UHRF2: variants seen among roughly 807,000 people sequenced by gnomAD.
The protein encoded by UHRF2 is E3 ubiquitin-protein ligase UHRF2.
A neutral mutation model predicts 96.8 loss-of-function variants in UHRF2; 23 were observed. The ratio of observed to expected loss-of-function variants is 0.24; its 90% CI spans 0.17 to 0.34. The LOEUF (loss-of-function observed/expected upper bound fraction) is 0.34. Ranked by LOEUF, UHRF2 falls within the 10% of genes least tolerant of loss-of-function variation. UHRF2 has a pLI of 1.00. For missense variants in UHRF2, 685 were observed against 981.5 expected (o/e 0.70, Z 4.04); for synonymous variants, 385 against 332.6 (o/e 1.16, Z -1.72).
intron 1 of UHRF2, among the ~76,000 whole-genome samples, chr9:6,419,907 G>A (rs561939392): frequency 2.0e-5 from 3 of 151,846 alleles, no homozygotes; most frequent in Non-Finnish European, 4.4e-5. Context: ...ACCCGGCTAC[G>A]TTTTTTTATT....
At chr9:6,499,764 C>G in intron 12 of UHRF2, 71 bp from the exon 13 acceptor site, 1 of 990,812 alleles carries the variant, frequency 1.0e-6, no homozygotes, top group Non-Finnish European at 1.5e-6. Flanking sequence ...TAATTTCTCA[C>G]CAGGATCTAA....
chr9:6,418,189 T>A (rs1008976271), intron 1 of UHRF2, among the ~76,000 whole-genome samples: 1 of 152,008 alleles, frequency 6.6e-6, no homozygotes. Context: ...ATGGTGTGAA[T>A]GCAGTGTTTG....
intron 2 of UHRF2, among the ~76,000 whole-genome samples, chr9:6,428,609 G>A (rs868179479): frequency 3.4e-5 from 4 of 117,028 alleles, no homozygotes; most frequent in South Asian, 2.9e-4. Context: ...GAGTGCAGTG[G>A]CATGATCATA....
At chr9:6,448,739 T>C (rs1280662954) in intron 3 of UHRF2, among the ~76,000 whole-genome samples, 2 of 152,230 alleles carry the variant, frequency 1.3e-5, no homozygotes, top group Non-Finnish European at 2.9e-5. Context: ...ATGGAAAGTT[T>C]TCGCCTCTTG....
rs1193165774 is a variant in UHRF2 at position 6,413,332 on chromosome 9, G to T, written c.-159G>T. ...TCGGGCGCGCGCGCTGAGAGTCGTC[G>T]CCGCCTGTCGGGCCCGGCGTCCGGT... On this transcript the variant is annotated 5_prime_UTR_variant, in exon 1 of 16. Transcript: ENST00000276893. 3.1e-6 allele frequency: 2 copies of T among 636,566 alleles called. No homozygotes were observed. Among genetic ancestry groups the T allele is most frequent in the Non-Finnish European group, 4.2e-6 (2 of 477,472 alleles). The allele number at this position is 636,566 out of a possible 1,614,324, so 39.4% of individuals were successfully genotyped here.
intron 8 of UHRF2, 109 bp downstream of exon 8, chr9:6,482,208 A>G (rs567084576): frequency 1.1e-6 from 1 of 900,062 alleles, no homozygotes; most frequent in East Asian, 2.4e-5. Flanking sequence ...TTCACTTGTT[A>G]GAATGAAATA....
chr9:6,452,874 T>C (rs1821956178), intron 3 of UHRF2, among the ~76,000 whole-genome samples: 1 of 152,210 alleles, frequency 6.6e-6, no homozygotes, highest in Non-Finnish European at 1.5e-5. Context: ...GAGTTGTCAC[T>C]GTATATTTTA....
rs145697253 is a variant in UHRF2, at chr9:6,468,498, A to C, written c.864-6893A>C. On this transcript the variant is annotated intron_variant, in intron 4 of 15. Coordinates refer to ENST00000276893, the MANE Select transcript of UHRF2 (RefSeq NM_152896.3). ...TGGAGAGGTAAGAATCTCATAAGGC[A>C]GGTAGCTTTGTAGTTGTGTTTTGCC... The C allele has an allele frequency of 2.2e-5, 10 of 456,104 alleles. No homozygotes were observed. The East Asian group carries it at 6.9e-4, about 32-fold the overall frequency. 28.3% of individuals were successfully genotyped at this position (456,104 alleles called of 1,614,324 possible).
intron 2 of UHRF2, among the ~76,000 whole-genome samples, chr9:6,425,940 A>G (rs1450905347): frequency 6.6e-6 from 1 of 152,180 alleles, no homozygotes; most frequent in Non-Finnish European, 1.5e-5. Flanking sequence ...TTAAGTTTAC[A>G]TTATTACTTT....
chr9:6,436,103 G>A (rs1298292156), intron 3 of UHRF2, among the ~76,000 whole-genome samples: 2 of 152,246 alleles, frequency 1.3e-5, no homozygotes, highest in East Asian at 3.9e-4. Flanking sequence ...AATATGTATG[G>A]AAAATATTAT....
chr9:6,437,028 A>G (rs1342947699), intron 3 of UHRF2, among the ~76,000 whole-genome samples: 2 of 152,340 alleles, frequency 1.3e-5, no homozygotes, highest in East Asian at 3.9e-4. Flanking sequence ...AAGCTCCTGG[A>G]TAAAAGAATC....
intron 2 of UHRF2, among the ~76,000 whole-genome samples, chr9:6,426,627 G>A (rs186104611): frequency 4.6e-5 from 7 of 152,216 alleles, no homozygotes; most frequent in Admixed American, 2.6e-4. Context: ...ATAAATAGGT[G>A]GATATCTAGC....
chr9:6,421,608 G>T (rs185002661), intron 2 of UHRF2, among the ~76,000 whole-genome samples: 2 of 152,192 alleles, frequency 1.3e-5, no homozygotes, highest in African/African-American at 4.8e-5. Context: ...GTAGAAACAG[G>T]GTTTCACCAT....
At chr9:6,440,006 C>G (rs1316511825) in intron 3 of UHRF2, among the ~76,000 whole-genome samples, 2 of 152,132 alleles carry the variant, frequency 1.3e-5, no homozygotes, top group African/African-American at 2.4e-5. Flanking sequence ...GTGTACTGTT[C>G]AGTTGTATAT....
chr9:6,488,876 G>A (rs539553884), intron 9 of UHRF2, among the ~76,000 whole-genome samples: 4 of 151,656 alleles, frequency 2.6e-5, no homozygotes, highest in South Asian at 2.1e-4. Flanking sequence ...GCAGTGATGC[G>A]ATTTCGGCTC....
At chr9:6,413,740 C>G (rs1819424977) in intron 1 of UHRF2, 97 bp downstream of exon 1, 7 of 1,300,182 alleles carry the variant, frequency 5.4e-6, no homozygotes, top group Non-Finnish European at 6.9e-6. Flanking sequence ...GCCGCGCGCG[C>G]AGGGCTCACC....
chr9:6,483,920 C>G (rs946697396), intron 8 of UHRF2, among the ~76,000 whole-genome samples: 1 of 152,130 alleles, frequency 6.6e-6, no homozygotes, highest in African/African-American at 2.4e-5. Context: ...AACTCCCAAC[C>G]TCGGGTGATC....
At chr9:6,477,986 C>G (rs1823687776) in intron 6 of UHRF2, among the ~76,000 whole-genome samples, 178 bp downstream of exon 6, 1 of 152,240 alleles carries the variant, frequency 6.6e-6, no homozygotes, top group Admixed American at 6.5e-5. Flanking sequence ...TCTGAACCAT[C>G]TCTTGCTCCA....
rs761211953 is a variant in UHRF2, at chr9:6,481,636, T to G, written c.1161-7T>G. The G allele has an allele frequency of 8.1e-6, 13 of 1,608,356 alleles. No individual in the cohort carries two copies. Among genetic ancestry groups the G allele is most frequent in the Non-Finnish European group, 1.1e-5 (13 of 1,178,472 alleles). On this transcript the variant is annotated splice_region_variant and splice_polypyrimidine_tract_variant and intron_variant, in intron 6 of 15. Coordinates refer to ENST00000276893, the MANE Select transcript of UHRF2 (RefSeq NM_152896.3). ...AAAATGCCTTCGTTCTTTTTTTTCTTTTAAAGGTATTGTCCTTCTTGTAAA... is the reference window on the plus strand; with the variant it reads ...AAAATGCCTTCGTTCTTTTTTTTCTGTTAAAGGTATTGTCCTTCTTGTAAA...
Sources: gnomAD v4.1 joint callset for allele counts (sites outside exome capture counted in the v4.1 genomes callset) on GRCh38, gnomAD v4.1.1 for gene constraint, MANE v1.5 for transcripts, NCBI Gene and HGNC (gene_info 2026-07-23, HGNC 2026-07-21) for gene names.